The following GRIK2 variants were observed in gnomAD, a reference collection of about 807,000 sequenced individuals.
The protein encoded by GRIK2 is glutamate receptor ionotropic, kainate 2.
A neutral mutation model predicts 100.3 loss-of-function variants in GRIK2; 32 were observed. The ratio of observed to expected loss-of-function variants is 0.32; its 90% CI spans 0.24 to 0.43. The LOEUF (loss-of-function observed/expected upper bound fraction) is 0.43, where lower values mean the gene tolerates loss of function less well. Ranked by LOEUF, GRIK2 falls within the 20% of genes least tolerant of loss-of-function variation. The probability of loss-of-function intolerance (pLI) is 1.00; values close to 1 mark genes in which losing one functional copy is unlikely to be tolerated. For synonymous variants in GRIK2, 417 were observed against 389.4 expected (o/e 1.07, Z -0.83); for missense variants, 843 against 1,114.9 (o/e 0.76, Z 3.47).
At chr6:101,485,939 G>C (rs1772799812) in intron 2 of GRIK2, among the ~76,000 whole-genome samples, 1 of 150,154 alleles carries the variant, frequency 6.7e-6, no homozygotes, top group Non-Finnish European at 1.5e-5. Flanking sequence ...TAGTAAAACA[G>C]CTTTACTTTT....
At chr6:101,557,025 A>G (rs1002664658) in intron 2 of GRIK2, among the ~76,000 whole-genome samples, 16 of 152,250 alleles carry the variant, frequency 1.1e-4, no homozygotes, top group African/African-American at 3.4e-4. Context: ...CTGTTTAAAA[A>G]AAAACTCTCT....
At chr6:101,754,509 C>T (rs2128386325) in intron 7 of GRIK2, among the ~76,000 whole-genome samples, 2 of 152,234 alleles carry the variant, frequency 1.3e-5, no homozygotes, top group South Asian at 4.2e-4. Context: ...TAAGTGTTTA[C>T]CCTACAGTAG....
At chr6:102,030,843 G>T (rs1391217811) in intron 14 of GRIK2, among the ~76,000 whole-genome samples, 3 of 150,760 alleles carry the variant, frequency 2.0e-5, no homozygotes. Context: ...TACATTTTTA[G>T]CTTTGATATC....
chr6:101,930,628 G>C (rs371361840), intron 14 of GRIK2, among the ~76,000 whole-genome samples: 2 of 151,842 alleles, frequency 1.3e-5, no homozygotes, highest in Admixed American at 6.6e-5. Context: ...AAATATACTA[G>C]TAGCAAAGTT....
intron 7 of GRIK2, among the ~76,000 whole-genome samples, chr6:101,712,250 C>T (rs1773769467): frequency 1.3e-5 from 2 of 151,824 alleles, no homozygotes; most frequent in Non-Finnish European, 2.9e-5. Context: ...TGTGTGTGGT[C>T]CACTGAGCAG....
At chr6:101,533,178 G>A (rs1775525758) in intron 2 of GRIK2, among the ~76,000 whole-genome samples, 1 of 151,802 alleles carries the variant, frequency 6.6e-6, no homozygotes, top group African/African-American at 2.4e-5. Context: ...TAAATACCAT[G>A]ATAAGCACTT....
intron 14 of GRIK2, among the ~76,000 whole-genome samples, chr6:101,945,128 T>C (rs1233211355): frequency 1.3e-5 from 2 of 152,180 alleles, no homozygotes; most frequent in Non-Finnish European, 2.9e-5. Context: ...TATTGGAAAT[T>C]TGTTTGAAAC....
intron 11 of GRIK2, among the ~76,000 whole-genome samples, chr6:101,877,529 G>C (rs1372331271): frequency 6.6e-6 from 1 of 151,898 alleles, no homozygotes; most frequent in African/African-American, 2.4e-5. Flanking sequence ...GTATTCGACA[G>C]GGGCCCTGAA....
At chr6:102,021,198 A>C (rs931882100) in intron 14 of GRIK2, among the ~76,000 whole-genome samples, 1 of 151,818 alleles carries the variant, frequency 6.6e-6, no homozygotes, top group Admixed American at 6.6e-5. Context: ...ATACTATTGT[A>C]TTACAGTCTA....
At chr6:101,913,708 C>T (rs1788907611) in intron 12 of GRIK2, among the ~76,000 whole-genome samples, 1 of 151,218 alleles carries the variant, frequency 6.6e-6, no homozygotes, top group Non-Finnish European at 1.5e-5. Flanking sequence ...TATTAATGAG[C>T]TGTAATAAAG....
At chr6:101,417,619 T>A (rs1776215355) in intron 2 of GRIK2, among the ~76,000 whole-genome samples, 2 of 152,082 alleles carry the variant, frequency 1.3e-5, no homozygotes, top group Non-Finnish European at 2.9e-5. Context: ...TCACTCCACC[T>A]CCCCCTAAAA....
At chr6:101,617,777 GT>G (rs1475235708) in intron 2 of GRIK2, among the ~76,000 whole-genome samples, 2 of 151,408 alleles carry the variant, frequency 1.3e-5, no homozygotes, top group Non-Finnish European at 3.0e-5. Flanking sequence ...ATTTCTGTTG[GT>G]TTGACTGCCA....
At chr6:102,006,583 G>A (rs1397994314) in intron 14 of GRIK2, among the ~76,000 whole-genome samples, 1 of 151,606 alleles carries the variant, frequency 6.6e-6, no homozygotes. Context: ...GCCCAAGCTG[G>A]TTCCAAACAA....
intron 7 of GRIK2, among the ~76,000 whole-genome samples, chr6:101,744,104 G>A (rs912350384): frequency 1.4e-4 from 21 of 151,878 alleles, no homozygotes; most frequent in African/African-American, 4.1e-4. Flanking sequence ...CACCACGCCC[G>A]GCTAATTTTT....
At chr6:101,684,731 T>TG in intron 6 of GRIK2, among the ~76,000 whole-genome samples, 1 of 151,940 alleles carries the variant, frequency 6.6e-6, no homozygotes, top group African/African-American at 2.4e-5. Context: ...TTTTTTTTTT[T>TG]TTTTGCTTTG....
At chr6:101,475,660 A>T (rs1422074869) in intron 2 of GRIK2, among the ~76,000 whole-genome samples, 1 of 151,888 alleles carries the variant, frequency 6.6e-6, no homozygotes, top group Non-Finnish European at 1.5e-5. Flanking sequence ...CTTTTTTCAT[A>T]ATCAAAAGGA....
intron 2 of GRIK2, among the ~76,000 whole-genome samples, chr6:101,532,500 T>C (rs957920931): frequency 6.6e-6 from 1 of 150,930 alleles, no homozygotes; most frequent in African/African-American, 2.4e-5. Context: ...AATAAATATT[T>C]ATCACCTTTT....
At chr6:101,439,586 A>G (rs1225938139) in intron 2 of GRIK2, among the ~76,000 whole-genome samples, 1 of 152,130 alleles carries the variant, frequency 6.6e-6, no homozygotes, top group Non-Finnish European at 1.5e-5. Flanking sequence ...GGACTTTTCC[A>G]TTATGCAATA....
At chr6:102,015,728 T>G (rs1252400348) in intron 14 of GRIK2, among the ~76,000 whole-genome samples, 2 of 152,166 alleles carry the variant, frequency 1.3e-5, no homozygotes, top group East Asian at 1.9e-4. Flanking sequence ...GCAAAGTGCT[T>G]TGGCTGGCAC....
Sources: gnomAD v4.1 joint callset for allele counts (sites outside exome capture counted in the v4.1 genomes callset) on GRCh38, gnomAD v4.1.1 for gene constraint, MANE v1.5 for transcripts, NCBI Gene and HGNC (gene_info 2026-07-23, HGNC 2026-07-21) for gene names.